Variants in SLCO5A1 observed in about 807,000 individuals in gnomAD.
The protein encoded by SLCO5A1 is organic anion transporter polypeptide-related protein 4.
A neutral mutation model predicts 65.1 loss-of-function variants in SLCO5A1; 39 were observed. The ratio of observed to expected loss-of-function variants is 0.60; its 90% CI spans 0.46 to 0.78. The LOEUF is 0.78. SLCO5A1 is among the 30% of genes least tolerant of loss of function. The probability of loss-of-function intolerance (pLI) is 0.00; values close to 1 mark genes in which losing one functional copy is unlikely to be tolerated. For missense variants in SLCO5A1, 1,029 were observed against 1,069.4 expected, an observed-to-expected ratio of 0.96 and a Z score of 0.53; for synonymous variants, 438 against 415.7, an observed-to-expected ratio of 1.05 and a Z score of -0.65.
At chr8:69,767,902 AAAAAAAAAAC>A (rs1818132591) in intron 2 of SLCO5A1, among the ~76,000 whole-genome samples, 1 of 139,322 alleles carries the variant, frequency 7.2e-6, no homozygotes, top group African/African-American at 3.1e-5. Flanking sequence ...AAAAAAAAAA[AAAAAAAAAAC>A]AAAAAGAAAA....
At chr8:69,811,161 G>A (rs1037821225) in intron 2 of SLCO5A1, among the ~76,000 whole-genome samples, 1 of 152,164 alleles carries the variant, frequency 6.6e-6, no homozygotes, top group Admixed American at 6.5e-5. Context: ...TACACAACCA[G>A]ATCTTGCTGG....
chr8:69,797,753 G>A (rs1241983611), intron 2 of SLCO5A1, among the ~76,000 whole-genome samples: 1 of 152,196 alleles, frequency 6.6e-6, no homozygotes, highest in Non-Finnish European at 1.5e-5. Flanking sequence ...CTGGTTGTCT[G>A]CTCTCAAACC....
intron 6 of SLCO5A1, among the ~76,000 whole-genome samples, chr8:69,683,221 C>T (rs1200493682): frequency 6.6e-6 from 1 of 152,174 alleles, no homozygotes; most frequent in East Asian, 1.9e-4. Flanking sequence ...CTCTGTACTG[C>T]TCGTACCCCA....
chr8:69,738,353 G>C, intron 4 of SLCO5A1, 149 bp from the exon 5 acceptor site: 1 of 672,696 alleles, frequency 1.5e-6, no homozygotes, highest in Non-Finnish European at 2.3e-6. Flanking sequence ...ATGACGATTA[G>C]AAACCATCCT....
chr8:69,676,731 G>T, intron 8 of SLCO5A1, 58 bp from the exon 9 acceptor site: 1 of 1,479,980 alleles, frequency 6.8e-7, no homozygotes, highest in Non-Finnish European at 9.4e-7. Flanking sequence ...GAAAATGAAT[G>T]TCAAATCAAG....
chr8:69,718,471 C>A (rs1007538521), intron 5 of SLCO5A1, among the ~76,000 whole-genome samples: 7 of 152,102 alleles, frequency 4.6e-5, no homozygotes, highest in Non-Finnish European at 8.8e-5. Flanking sequence ...TTGTTCTGAT[C>A]TTAGGGAGAA....
At chr8:69,747,377 GA>G (rs1245596321) in intron 4 of SLCO5A1, among the ~76,000 whole-genome samples, 5 of 151,728 alleles carry the variant, frequency 3.3e-5, no homozygotes, top group Non-Finnish European at 7.4e-5. Context: ...TGCATCCATG[GA>G]TTCTGCATCC....
intron 2 of SLCO5A1, among the ~76,000 whole-genome samples, chr8:69,818,090 T>C (rs1343208693): frequency 6.6e-6 from 1 of 152,186 alleles, no homozygotes. Flanking sequence ...TCACATCATT[T>C]CTCTCACTGA....
intron 6 of SLCO5A1, among the ~76,000 whole-genome samples, chr8:69,697,428 G>A (rs772606654): frequency 6.6e-6 from 1 of 152,024 alleles, no homozygotes; most frequent in Non-Finnish European, 1.5e-5. Context: ...ACAGCTCTAC[G>A]AACAGTGCCC....
chr8:69,804,638 A>G (rs1586819349), intron 2 of SLCO5A1, among the ~76,000 whole-genome samples: 2 of 152,200 alleles, frequency 1.3e-5, no homozygotes, highest in East Asian at 3.9e-4. Flanking sequence ...TTCTGAGTTT[A>G]TTTATTTCTC....
chr8:69,727,154 C>A (rs1422117929), intron 5 of SLCO5A1, among the ~76,000 whole-genome samples: 1 of 152,000 alleles, frequency 6.6e-6, no homozygotes, highest in East Asian at 1.9e-4. Flanking sequence ...ATATGGCTTC[C>A]CTGTGCATAG....
chr8:69,778,712 G>A (rs1434549644), intron 2 of SLCO5A1, among the ~76,000 whole-genome samples: 1 of 152,136 alleles, frequency 6.6e-6, no homozygotes, highest in Non-Finnish European at 1.5e-5. Flanking sequence ...GTAAAGTTAG[G>A]ACAAATCAGT....
intron 9 of SLCO5A1, among the ~76,000 whole-genome samples, chr8:69,674,967 G>C (rs1261988062): frequency 1.3e-5 from 2 of 151,064 alleles, no homozygotes; most frequent in Admixed American, 1.3e-4. Context: ...TTGAACCCTA[G>C]AGGCAGAGGT....
At position 69,677,840 on chromosome 8, in the gene SLCO5A1, T is replaced by C. The variant is rs112190253; in HGVS notation, c.2025-1167A>G. ...CTGCAAGGTGCCCAGCATTGTGGCA[T>C]CTGAGGAGCCTGGAGAAAGAGTAAG... On this transcript the variant is annotated intron_variant, in intron 8 of 9. Coordinates refer to ENST00000260126, the MANE Select transcript of SLCO5A1 (RefSeq NM_030958.3). Among the ~76,000 whole-genome samples the C allele has an allele frequency of 8.3e-3, 1,267 of 152,324 alleles. 20 individuals are homozygous for C. The highest frequency in any genetic ancestry group is 0.029 in the African/African-American group (1,188 of 41,556).
At chr8:69,711,633 G>A (rs1369311360) in intron 5 of SLCO5A1, among the ~76,000 whole-genome samples, 2 of 152,174 alleles carry the variant, frequency 1.3e-5, no homozygotes, top group Non-Finnish European at 2.9e-5. Flanking sequence ...AAGAGTCTGG[G>A]CTATGTAGCC....
At chr8:69,802,980 GAATT>G (rs554803864) in intron 2 of SLCO5A1, among the ~76,000 whole-genome samples, 1,659 of 152,272 alleles carry the variant, frequency 0.011, 11 homozygotes, top group Middle Eastern at 0.021. Flanking sequence ...TTTGTTGAAT[GAATT>G]AATTAATGAA....
At chr8:69,692,784 TG>T (rs1301101529) in intron 6 of SLCO5A1, among the ~76,000 whole-genome samples, 10 of 152,348 alleles carry the variant, frequency 6.6e-5, no homozygotes, top group Admixed American at 2.6e-4. Flanking sequence ...TGCATGGAGC[TG>T]TCATCTCCTA....
chr8:69,672,953 G>C lies in SLCO5A1; in HGVS notation c.2463C>G (p.Tyr821Ter). 2 of 1,614,228 alleles carry C rather than the reference G, an allele frequency of 1.2e-6. No homozygotes were observed. The highest frequency in any genetic ancestry group is 1.7e-6 in the Non-Finnish European group (2 of 1,180,044). ...TTATTGCTTCTGGGAAGGGCCCCGG[G>C]TAGGTCTGTGCTGCGCACTGGATCC... ...QKGIQCAAQT[Y>*]PGPFPEAISS... is the part of the protein sequence containing the mutation. Residue 821 changes from tyrosine to a stop codon, truncating the protein, a stop_gained, in exon 10 of 10, where the codon TAC becomes TAG. Coordinates refer to ENST00000260126, the MANE Select transcript of SLCO5A1 (RefSeq NM_030958.3). LOFTEE classifies it high-confidence loss of function.
chr8:69,719,349 G>A (rs1441476466), intron 5 of SLCO5A1, among the ~76,000 whole-genome samples: 2 of 152,118 alleles, frequency 1.3e-5, no homozygotes. Context: ...ACATACTCTA[G>A]GAATCTAATG....
Sources: gnomAD v4.1 joint callset for allele counts (sites outside exome capture counted in the v4.1 genomes callset) on GRCh38, gnomAD v4.1.1 for gene constraint, MANE v1.5 for transcripts, NCBI Gene and HGNC (gene_info 2026-07-23, HGNC 2026-07-21) for gene names.